Variants in DLGAP2 observed in about 807,000 individuals in gnomAD.
DLGAP2 encodes the protein DLG associated protein 2.
DLGAP2 carries 26 observed loss-of-function variants against 100.3 expected under a neutral mutation model. The ratio of observed to expected loss-of-function variants is 0.26; its 90% CI spans 0.19 to 0.36. The LOEUF is 0.36. Among genes scored for constraint, DLGAP2 ranks in the 10% least tolerant of loss-of-function variants. The probability of loss-of-function intolerance (pLI) is 1.00; values close to 1 mark genes in which losing one functional copy is unlikely to be tolerated. For synonymous variants in DLGAP2, 886 were observed against 630.1 expected, an observed-to-expected ratio of 1.41 and a Z score of -6.08; for missense variants, 1,858 against 1,453.2, an observed-to-expected ratio of 1.28 and a Z score of -4.53.
At chr8:1,067,258 G>A (rs1803283852) in intron 2 of DLGAP2, among the ~76,000 whole-genome samples, 1 of 152,206 alleles carries the variant, frequency 6.6e-6, no homozygotes, top group Admixed American at 6.5e-5. Flanking sequence ...GTTCTTCAAG[G>A]AGAGACTGAG....
intron 2 of DLGAP2, among the ~76,000 whole-genome samples, chr8:1,214,093 C>G (rs575219284): frequency 1.1e-4 from 17 of 152,214 alleles, no homozygotes; most frequent in Non-Finnish European, 2.2e-4. Flanking sequence ...AGGCCTGGAA[C>G]CCTCCCCAGG....
At chr8:1,450,568 C>T (rs1187623002) in intron 3 of DLGAP2, among the ~76,000 whole-genome samples, 1 of 152,004 alleles carries the variant, frequency 6.6e-6, no homozygotes, top group Non-Finnish European at 1.5e-5. Context: ...CAGGACTCGC[C>T]TTTCTGTGAA....
Position 1,529,892 on chromosome 8 carries a change from C to T in DLGAP2, c.173-18734C>T, listed in dbSNP as rs377667675. On this transcript the variant is annotated intron_variant, in intron 4 of 14. Coordinates refer to ENST00000637795, the MANE Select transcript of DLGAP2 (RefSeq NM_001346810.2). ...GCCCCACAAGCCACAAAAACCAGCA[C>T]GTTTTTATTAGGGAGTTTCAAAAGG... 1.3e-3 allele frequency among the ~76,000 whole-genome samples: 199 copies of T among 152,216 alleles called. 1 individual carries two copies. The South Asian group carries it at 0.035, about 27-fold the overall frequency.
chr8:1,237,456 TAC>T (rs35317409), intron 2 of DLGAP2, among the ~76,000 whole-genome samples: 9 of 140,258 alleles, frequency 6.4e-5, no homozygotes, highest in South Asian at 2.4e-4. Context: ...CGTGTCTAGT[TAC>T]CTCTCACATG....
chr8:824,526 T>G (rs898215391), intron 1 of DLGAP2, among the ~76,000 whole-genome samples: 4 of 152,200 alleles, frequency 2.6e-5, no homozygotes, highest in Non-Finnish European at 5.9e-5. Flanking sequence ...CTTTTATGGT[T>G]TGAGGACCCA....
intron 3 of DLGAP2, among the ~76,000 whole-genome samples, chr8:1,474,811 A>T (rs1273876623): frequency 3.3e-5 from 5 of 152,226 alleles, no homozygotes; most frequent in Non-Finnish European, 7.3e-5. Flanking sequence ...GCCCCTGTGG[A>T]AAGCAGTTTG....
At chr8:1,224,764 A>G (rs1026614957) in intron 2 of DLGAP2, among the ~76,000 whole-genome samples, 1 of 152,242 alleles carries the variant, frequency 6.6e-6, no homozygotes, top group Admixed American at 6.5e-5. Context: ...TAATTTTAAA[A>G]TGAGCAAGGG....
chr8:1,183,194 A>T (rs1399142307), intron 2 of DLGAP2, among the ~76,000 whole-genome samples: 1 of 152,096 alleles, frequency 6.6e-6, no homozygotes, highest in African/African-American at 2.4e-5. Context: ...GATGGAGCCG[A>T]GAGGGCGTCT....
chr8:823,819 A>G (rs1418480567), intron 1 of DLGAP2, among the ~76,000 whole-genome samples: 9 of 152,170 alleles, frequency 5.9e-5, no homozygotes, highest in Admixed American at 3.9e-4. Flanking sequence ...GGCAGCCAGG[A>G]CGGGGGAGGT....
intron 2 of DLGAP2, among the ~76,000 whole-genome samples, chr8:1,123,257 A>G (rs983911786): frequency 1.3e-5 from 2 of 152,234 alleles, no homozygotes. Context: ...TAAAGCAAAG[A>G]ATAATGAAAA....
intron 2 of DLGAP2, among the ~76,000 whole-genome samples, chr8:1,231,298 C>T (rs1049700301): frequency 4.6e-5 from 7 of 152,160 alleles, no homozygotes; most frequent in Non-Finnish European, 8.8e-5. Flanking sequence ...TACCATCTCA[C>T]GCCAGTCAGA....
At chr8:946,313 G>C (rs577599669) in intron 2 of DLGAP2, among the ~76,000 whole-genome samples, 130 of 151,394 alleles carry the variant, frequency 8.6e-4, no homozygotes, top group Admixed American at 2.7e-3. Flanking sequence ...ATCCAGGCTG[G>C]AGTGCAGTGG....
chr8:1,130,766 C>G (rs138516918), intron 2 of DLGAP2, among the ~76,000 whole-genome samples: 2 of 152,202 alleles, frequency 1.3e-5, no homozygotes. Context: ...GTCATCTTTG[C>G]GGGAAAATGG....
chr8:1,068,093 T>C (rs1212912273), intron 2 of DLGAP2, among the ~76,000 whole-genome samples: 1 of 152,242 alleles, frequency 6.6e-6, no homozygotes, highest in African/African-American at 2.4e-5. Context: ...GTTCACTTTG[T>C]AATGTGCATT....
At chr8:1,012,134 G>C (rs528196020) in intron 2 of DLGAP2, among the ~76,000 whole-genome samples, 6 of 152,124 alleles carry the variant, frequency 3.9e-5, no homozygotes, top group African/African-American at 1.4e-4. Flanking sequence ...CAGGTGCAGC[G>C]GTATCCCCTT....
intron 2 of DLGAP2, among the ~76,000 whole-genome samples, chr8:934,798 G>A (rs1467753834): frequency 3.9e-5 from 6 of 152,178 alleles, no homozygotes; most frequent in Admixed American, 2.0e-4. Context: ...TCAGTTCAAG[G>A]CTATTCTGTC....
At chr8:1,497,388 A>G (rs1279100901) in intron 3 of DLGAP2, among the ~76,000 whole-genome samples, 1 of 152,194 alleles carries the variant, frequency 6.6e-6, no homozygotes, top group Non-Finnish European at 1.5e-5. Flanking sequence ...GCTTACGGTC[A>G]CGTGATTTCA....
At chr8:1,685,903 A>G (rs1272559633) in intron 12 of DLGAP2, among the ~76,000 whole-genome samples, 1 of 152,212 alleles carries the variant, frequency 6.6e-6, no homozygotes, top group African/African-American at 2.4e-5. Context: ...TAGAATGGCT[A>G]TTATCACAAA....
chr8:872,992 A>G (rs1406780989), intron 1 of DLGAP2, among the ~76,000 whole-genome samples: 1 of 152,152 alleles, frequency 6.6e-6, no homozygotes, highest in Non-Finnish European at 1.5e-5. Context: ...AATCATCTGT[A>G]GAGTACATAT....
Sources: gnomAD v4.1 joint callset for allele counts (sites outside exome capture counted in the v4.1 genomes callset) on GRCh38, gnomAD v4.1.1 for gene constraint, MANE v1.5 for transcripts, NCBI Gene and HGNC (gene_info 2026-07-23, HGNC 2026-07-21) for gene names.